Variants in KLF12 observed in about 807,000 individuals in gnomAD.
The protein encoded by KLF12 is KLF transcription factor 12.
In KLF12, 9 loss-of-function variants were observed where a neutral mutation model predicts 37.8. The observed-to-expected ratio is 0.24, with a 90% confidence interval of 0.14 to 0.42. The LOEUF is 0.42. Among genes scored for constraint, KLF12 ranks in the 10% least tolerant of loss-of-function variants. The pLI is 1.00. For missense variants in KLF12, 411 were observed against 516.0 expected (o/e 0.80, Z 1.97); for synonymous variants, 208 against 202.1 (o/e 1.03, Z -0.25).
chr13:74,260,601 A>G, the KLF12 span, among the ~76,000 whole-genome samples: 159 of 113,864 alleles, frequency 1.4e-3, 2 homozygotes, highest in African/African-American at 8.7e-3. Context: ...AATAAAATAA[A>G]ATAAAATAAA....
intron 3 of KLF12, among the ~76,000 whole-genome samples, chr13:73,943,657 C>T (rs1890291054): frequency 6.6e-6 from 1 of 152,120 alleles, no homozygotes; most frequent in Non-Finnish European, 1.5e-5. Flanking sequence ...GTTATAGTCC[C>T]ACCTTATTTT....
At chr13:73,725,703 C>A (rs1184670021) in intron 6 of KLF12, among the ~76,000 whole-genome samples, 2 of 151,830 alleles carry the variant, frequency 1.3e-5, no homozygotes, top group African/African-American at 4.8e-5. Context: ...TAGGACTTAA[C>A]ATGCTAATTA....
intron 3 of KLF12, among the ~76,000 whole-genome samples, chr13:73,888,670 A>G (rs1887351488): frequency 6.6e-6 from 1 of 152,250 alleles, no homozygotes; most frequent in Admixed American, 6.5e-5. Context: ...TGGGACTGTC[A>G]CAAAAGAAAC....
chr13:74,041,372 A>G (rs1294811728), intron 1 of KLF12, among the ~76,000 whole-genome samples: 3 of 152,186 alleles, frequency 2.0e-5, no homozygotes, highest in Non-Finnish European at 4.4e-5. Flanking sequence ...CAGTTCAGGG[A>G]TGAGTTTTAT....
At chr13:73,846,955 A>G (rs1340205572) in intron 3 of KLF12, among the ~76,000 whole-genome samples, 1 of 152,220 alleles carries the variant, frequency 6.6e-6, no homozygotes, top group Non-Finnish European at 1.5e-5. Flanking sequence ...ATAATAATTT[A>G]AGAAAAACTT....
In KLF12 at chr13:73,689,958, A is replaced by G. The variant is rs1351775923; in HGVS notation, c.*5532T>C. 2 of 152,244 alleles carry G rather than the reference A, an allele frequency of 1.3e-5. No individual in the cohort carries two copies. Among genetic ancestry groups the G allele is most frequent in the African/African-American group, 4.8e-5 (2 of 41,466 alleles). 9.4% of individuals were successfully genotyped at this position (152,244 alleles called of 1,614,324 possible). ...TACCATATGCAATAGTGTTCACTGA[A>G]GATAAACTTAATGTTCAGATTTGTG... On this transcript the variant is annotated 3_prime_UTR_variant, in exon 8 of 8. Transcript: ENST00000377669.
At chr13:74,103,323 T>C (rs1280878616) in intron 1 of KLF12, among the ~76,000 whole-genome samples, 79 of 152,228 alleles carry the variant, frequency 5.2e-4, no homozygotes, top group Non-Finnish European at 4.4e-5. Flanking sequence ...AGCTGATCAT[T>C]TGAAGCTGTC....
chr13:73,790,202 A>T (rs1213633104), intron 5 of KLF12, among the ~76,000 whole-genome samples: 1 of 152,232 alleles, frequency 6.6e-6, no homozygotes, highest in Non-Finnish European at 1.5e-5. Flanking sequence ...AATTCATAGT[A>T]GCTTCCAAAA....
In KLF12 at chr13:73,984,767, A is replaced by C. The variant is rs921460008; in HGVS notation, c.33+10223T>G. ...TGATACAGAATTTGGCACCAGAACT[A>C]GTTCCAGAAAAACAAAACGTTACGG... On this transcript the variant is annotated intron_variant, in intron 2 of 7. Coordinates refer to ENST00000377669, the MANE Select transcript of KLF12 (RefSeq NM_007249.5). Among the ~76,000 whole-genome samples the C allele has an allele frequency of 3.3e-5, 5 of 152,342 alleles. No individual in the cohort carries two copies. In the East Asian group the frequency reaches 7.7e-4, roughly 23 times the overall value.
intron 1 of KLF12, among the ~76,000 whole-genome samples, chr13:74,016,446 C>G (rs1347213805): frequency 6.6e-6 from 1 of 152,186 alleles, no homozygotes; most frequent in African/African-American, 2.4e-5. Context: ...AGTGAAGCCT[C>G]AAACTCCTGG....
chr13:74,064,379 T>G (rs942277095), intron 1 of KLF12, among the ~76,000 whole-genome samples: 5 of 148,486 alleles, frequency 3.4e-5, no homozygotes, highest in African/African-American at 1.2e-4. Context: ...GCATGAACAG[T>G]GTCTTCGTGG....
At chr13:73,851,121 T>C (rs1279123926) in intron 3 of KLF12, among the ~76,000 whole-genome samples, 2 of 152,200 alleles carry the variant, frequency 1.3e-5, no homozygotes, top group African/African-American at 4.8e-5. Flanking sequence ...TGGCATTAAG[T>C]GCTTTTTAAG....
At chr13:73,751,896 T>C (rs1013184308) in intron 6 of KLF12, among the ~76,000 whole-genome samples, 6 of 152,108 alleles carry the variant, frequency 3.9e-5, no homozygotes, top group Non-Finnish European at 8.8e-5. Flanking sequence ...GGTGAAGAAA[T>C]TGGCTGAAAC....
Position 73,687,117 on chromosome 13 carries a change from T to A in KLF12, c.*8373A>T, listed in dbSNP as rs1873539032. ...TCGTTTCACAACACAAAGTTCTGAG[T>A]ACATTCTTCTATGGACAAACATGAA... On this transcript the variant is annotated 3_prime_UTR_variant, in exon 8 of 8. Coordinates refer to ENST00000377669, the MANE Select transcript of KLF12 (RefSeq NM_007249.5). 1 of 152,668 alleles carries A rather than the reference T, an allele frequency of 6.6e-6. No individual in the cohort carries two copies. Among genetic ancestry groups the A allele is most frequent in the Non-Finnish European group, 1.5e-5 (1 of 68,042 alleles). The allele number at this position is 152,668 out of a possible 1,614,324, so 9.5% of individuals were successfully genotyped here. A position where few individuals can be genotyped will look rare whatever the true frequency, so the allele number is the denominator to read the frequency against.
intron 1 of KLF12, among the ~76,000 whole-genome samples, chr13:74,104,764 A>G (rs1186389262): frequency 6.6e-6 from 1 of 152,212 alleles, no homozygotes. Flanking sequence ...GCAACAGAAC[A>G]GCAGGGGAAA....
chr13:73,927,132 C>T (rs1473986832), intron 3 of KLF12, among the ~76,000 whole-genome samples: 2 of 152,044 alleles, frequency 1.3e-5, no homozygotes, highest in Non-Finnish European at 2.9e-5. Flanking sequence ...TCTAAATGAA[C>T]TCTAGAACAG....
At chr13:74,155,005 G>T in the KLF12 span, among the ~76,000 whole-genome samples, 7 of 152,138 alleles carry the variant, frequency 4.6e-5, no homozygotes, top group African/African-American at 1.7e-4. Flanking sequence ...ATATTTCACA[G>T]TCAGAGCTAA....
At chr13:73,795,124 A>G (rs10492701) in intron 5 of KLF12, among the ~76,000 whole-genome samples, 2,278 of 152,342 alleles carry the variant, frequency 0.015, 57 homozygotes, top group African/African-American at 0.049. Flanking sequence ...AATTGGGACG[A>G]CATATGAGAC....
chr13:74,198,374 A>G, the KLF12 span, among the ~76,000 whole-genome samples: 24 of 152,270 alleles, frequency 1.6e-4, no homozygotes, highest in African/African-American at 5.1e-4. Context: ...CCTGGGCACT[A>G]CCTGGGAAGG....
Sources: gnomAD v4.1 joint callset for allele counts (sites outside exome capture counted in the v4.1 genomes callset) on GRCh38, gnomAD v4.1.1 for gene constraint, MANE v1.5 for transcripts, NCBI Gene and HGNC (gene_info 2026-07-23, HGNC 2026-07-21) for gene names.